GRHL1: variants seen among roughly 807,000 people sequenced by gnomAD.
The protein encoded by GRHL1 is grainyhead-like protein 1 homolog.
Under a neutral mutation model 75.7 loss-of-function variants are expected in GRHL1, and 38 were observed. The ratio of observed to expected loss-of-function variants is 0.50; its 90% CI spans 0.39 to 0.66. The LOEUF is 0.66. Among genes scored for constraint, GRHL1 ranks in the 30% least tolerant of loss-of-function variants. The pLI is 0.00. For synonymous variants in GRHL1, 266 were observed against 279.4 expected (o/e 0.95, Z 0.48); for missense variants, 589 against 767.5 (o/e 0.77, Z 2.75).
rs1011854992 is a variant in GRHL1 at position 9,990,364 on chromosome 2, T to C, written c.1270-332T>C. Among the ~76,000 whole-genome samples the C allele has an allele frequency of 2.0e-5, 3 of 152,082 alleles. No homozygotes were observed. The highest frequency in any genetic ancestry group is 7.2e-5 in the African/African-American group (3 of 41,428). ...TGGGGTTTCACCATGTTGGCCAGGCTGGTCTCGAACTCCTGACCTCAAATG... is the reference window on the plus strand; with the variant it reads ...TGGGGTTTCACCATGTTGGCCAGGCCGGTCTCGAACTCCTGACCTCAAATG... On this transcript the variant is annotated intron_variant, in intron 9 of 15. Transcript: ENST00000324907. The surrounding 1 kb of genome is among the most constrained non-coding windows in gnomAD (Gnocchi z 4.2).
rs747765159 is a variant in GRHL1 at position 9,963,932 on chromosome 2, A to T, written c.793A>T (p.Lys265Ter). The T allele has an allele frequency of 6.2e-7, 1 of 1,613,972 alleles. No homozygotes were observed. The highest frequency in any genetic ancestry group is 1.1e-5 in the South Asian group (1 of 91,078). The change falls in exon 6 of 16, where the codon AAG becomes TAG. Residue 265 changes from lysine (K) to a stop codon, truncating the protein, a stop_gained. Coordinates refer to ENST00000324907, the MANE Select transcript of GRHL1 (RefSeq NM_198182.3). LOFTEE classifies it high-confidence loss of function. ...TLEASKSLRQ[K>*]PGDSTMTYLN... is the part of the protein sequence containing the mutation. The stretch of plus-strand genomic sequence containing the variant: ...AGAAGCTTCAAAATCACTTCGACAG[A>T]AGCCAGGAGACAGTACCATGACGTA...
Position 9,992,160 on chromosome 2 carries a change from A to C in GRHL1, c.1461+14A>C, listed in dbSNP as rs1161140386. Reference sequence around the variant, plus strand: ...CGGGGCACTCATGTAGGTAACCAGGATCCCAGGGGAGGTTACCAGGAAGGA... The same window carrying C: ...CGGGGCACTCATGTAGGTAACCAGGCTCCCAGGGGAGGTTACCAGGAAGGA... On this transcript the variant is annotated intron_variant, in intron 11 of 15. Coordinates refer to ENST00000324907, the MANE Select transcript of GRHL1 (RefSeq NM_198182.3). The surrounding 1 kb of genome is among the most constrained non-coding windows in gnomAD (Gnocchi z 4.6). The C allele has an allele frequency of 1.2e-6, 2 of 1,606,044 alleles. No individual in the cohort carries two copies. Among genetic ancestry groups the C allele is most frequent in the African/African-American group, 2.7e-5 (2 of 74,568 alleles).
chr2:9,976,065 G>A (rs1667936109), intron 8 of GRHL1, among the ~76,000 whole-genome samples: 1 of 152,154 alleles, frequency 6.6e-6, no homozygotes, highest in Non-Finnish European at 1.5e-5. Context: ...ACAGCAGCAT[G>A]TAGTTTTATT....
At chr2:9,994,645 G>T (rs947061600) in intron 12 of GRHL1, among the ~76,000 whole-genome samples, 5 of 152,100 alleles carry the variant, frequency 3.3e-5, no homozygotes, top group Non-Finnish European at 7.4e-5. Context: ...CTAGACGGCT[G>T]CTGTGTGTTA....
At chr2:9,985,210 TG>T (rs1668364923) in intron 8 of GRHL1, among the ~76,000 whole-genome samples, 1 of 152,212 alleles carries the variant, frequency 6.6e-6, no homozygotes, top group Non-Finnish European at 1.5e-5. Flanking sequence ...ATAGTAGAAC[TG>T]TTGCTTAAGG....
intron 8 of GRHL1, among the ~76,000 whole-genome samples, chr2:9,976,619 C>T (rs761131305): frequency 1.3e-5 from 2 of 152,256 alleles, no homozygotes; most frequent in Middle Eastern, 3.4e-3. Context: ...CTGCATGCCA[C>T]CAGAGTCAAA....
At chr2:9,964,699 A>G (rs1667415190) in intron 7 of GRHL1, 1 of 190,126 alleles carries the variant, frequency 5.3e-6, no homozygotes, top group African/African-American at 2.3e-5. Flanking sequence ...GGAGGTAGAG[A>G]AAAAAACAAG....
Position 9,965,336 on chromosome 2 carries a change from G to C in GRHL1, c.1065G>C (p.Ala355=). 6.2e-7 allele frequency: 1 copy of C among 1,612,236 alleles called. No individual in the cohort carries two copies. The highest frequency in any genetic ancestry group is 2.2e-5 in the East Asian group (1 of 44,868). The change falls in exon 8 of 16, where the codon GCG becomes GCC. Residue 355 remains alanine (A), a synonymous_variant. Coordinates refer to ENST00000324907, the MANE Select transcript of GRHL1 (RefSeq NM_198182.3). ...FNTISNIEEI[A]YNAISFTWDI... is the part of the protein sequence containing the mutation. ...CTATCAGTAACATCGAGGAGATTGC[G>C]TATAACGCCATTTCCTTCACATGGG...
Position 9,953,205 on chromosome 2 carries a change from C to T in GRHL1, c.20+1352C>T, listed in dbSNP as rs573020315. The T allele has an allele frequency of 2.0e-4, 78 of 397,670 alleles. 1 individual carries two copies. Among genetic ancestry groups the T allele is most frequent in the South Asian group, 1.4e-3 (77 of 54,520 alleles). The allele number at this position is 397,670 out of a possible 1,614,324, so 24.6% of individuals were successfully genotyped here. A position where few individuals can be genotyped will look rare whatever the true frequency, so the allele number is the denominator to read the frequency against. ...CCATTTCTTTCTCTGTTTTCTATTGCTTGTACAAATTTGGGATGTGGGTGG... is the reference window on the plus strand; with the variant it reads ...CCATTTCTTTCTCTGTTTTCTATTGTTTGTACAAATTTGGGATGTGGGTGG... On this transcript the variant is annotated intron_variant, in intron 1 of 15. Coordinates refer to ENST00000324907, the MANE Select transcript of GRHL1 (RefSeq NM_198182.3).
chr2:9,977,613 A>G (rs1668002239), intron 8 of GRHL1, among the ~76,000 whole-genome samples: 1 of 152,214 alleles, frequency 6.6e-6, no homozygotes, highest in Admixed American at 6.5e-5. Context: ...ATGAGCCACC[A>G]CATCCAGCTG....
chr2:9,982,863 G>T (rs1358643259), intron 8 of GRHL1, among the ~76,000 whole-genome samples: 1 of 152,224 alleles, frequency 6.6e-6, no homozygotes, highest in Non-Finnish European at 1.5e-5. Context: ...AGTAAAAACA[G>T]TATGGATATA....
intron 8 of GRHL1, among the ~76,000 whole-genome samples, chr2:9,970,888 C>A (rs754717005): frequency 1.3e-5 from 2 of 152,126 alleles, no homozygotes; most frequent in African/African-American, 2.4e-5. Flanking sequence ...ATTTGGAGCC[C>A]AGCTAAGTAC....
rs533942406 is a variant in GRHL1, at chr2:9,955,026, G to A, written c.132G>A (p.Ala44=). 5 of 1,613,556 alleles carry A rather than the reference G, an allele frequency of 3.1e-6. No individual in the cohort carries two copies. The highest frequency in any genetic ancestry group is 1.1e-5 in the South Asian group (1 of 91,062). The part of the protein sequence containing the change: ...KSFLENPLTA[A]TKAMMSINGD... ...TCCTGGAAAACCCTCTCACTGCAGCGACCAAAGCGATGATGAGCATCAATG... is the reference window on the plus strand; with the variant it reads ...TCCTGGAAAACCCTCTCACTGCAGCAACCAAAGCGATGATGAGCATCAATG... The change falls in exon 2 of 16, where the codon GCG becomes GCA. Residue 44 remains alanine (A), a synonymous_variant. Coordinates refer to ENST00000324907, the MANE Select transcript of GRHL1 (RefSeq NM_198182.3).
intron 8 of GRHL1, among the ~76,000 whole-genome samples, chr2:9,977,029 C>T (rs1297571241): frequency 6.6e-6 from 1 of 152,202 alleles, no homozygotes; most frequent in Admixed American, 6.5e-5. Context: ...ATTAAGCAAT[C>T]TGTCTCTTTT....
intron 2 of GRHL1, among the ~76,000 whole-genome samples, chr2:9,956,984 T>TTTC (rs1242356617): frequency 2.7e-5 from 4 of 148,662 alleles, no homozygotes; most frequent in Admixed American, 1.3e-4. Flanking sequence ...GTAAATTTAT[T>TTTC]TTCTTCTTCT....
chr2:9,997,099 C>CAAG (rs1668896890), intron 14 of GRHL1, among the ~76,000 whole-genome samples: 1 of 152,200 alleles, frequency 6.6e-6, no homozygotes. Flanking sequence ...GGGCTAAAAG[C>CAAG]ATCTCCCCCA....
At chr2:9,976,053 C>T (rs1667935346) in intron 8 of GRHL1, among the ~76,000 whole-genome samples, 1 of 152,128 alleles carries the variant, frequency 6.6e-6, no homozygotes, top group African/African-American at 2.4e-5. Context: ...AGCACAAATA[C>T]CACAGCAGCA....
At chr2:9,998,936 T>A in intron 14 of GRHL1, 29 bp from the exon 15 acceptor site, 1 of 1,240,968 alleles carries the variant, frequency 8.1e-7, no homozygotes, top group Non-Finnish European at 1.1e-6. Flanking sequence ...GATACAGGGT[T>A]TTGTAATTAT....
rs919411767 is a variant in GRHL1, at chr2:9,992,770, C to T, written c.1462-437C>T. Among the ~76,000 whole-genome samples, 1 of 152,180 alleles carries T rather than the reference C, an allele frequency of 6.6e-6. No individual in the cohort carries two copies. The highest frequency in any genetic ancestry group is 1.5e-5 in the Non-Finnish European group (1 of 68,038). ...GACAGATTTATAAGGACTAAAGATTCGTCAGAGTTCTTGGGGCCATGGCCA... is the reference window on the plus strand; with the variant it reads ...GACAGATTTATAAGGACTAAAGATTTGTCAGAGTTCTTGGGGCCATGGCCA... On this transcript the variant is annotated intron_variant, in intron 11 of 15. Transcript: ENST00000324907. The surrounding 1 kb of genome is among the most constrained non-coding windows in gnomAD (Gnocchi z 4.6).
Sources: gnomAD v4.1 joint callset for allele counts (sites outside exome capture counted in the v4.1 genomes callset) on GRCh38, gnomAD v4.1.1 for gene constraint, Gnocchi (gnomAD v3.1) non-coding constraint, MANE v1.5 for transcripts, NCBI Gene and HGNC (gene_info 2026-07-23, HGNC 2026-07-21) for gene names.